The following IKZF1 variants were observed in gnomAD, a reference collection of about 807,000 sequenced individuals.
IKZF1 encodes DNA-binding protein Ikaros.
IKZF1 carries 10 observed loss-of-function variants against 51.7 expected under a neutral mutation model. The observed-to-expected ratio is 0.19, with a 90% CI of 0.12 to 0.33. The LOEUF is 0.33. Ranked by LOEUF, IKZF1 falls within the 10% of genes least tolerant of loss-of-function variation. The pLI is 1.00. For missense variants in IKZF1, 484 were observed against 707.5 expected, an observed-to-expected ratio of 0.68 and a Z score of 3.58; for synonymous variants, 280 against 282.3, an observed-to-expected ratio of 0.99 and a Z score of 0.08.
chr7:50,361,089 A>G (rs536737681), intron 3 of IKZF1, among the ~76,000 whole-genome samples: 1 of 152,300 alleles, frequency 6.6e-6, no homozygotes, highest in Non-Finnish European at 1.5e-5. Context: ...CCCTGCCACG[A>G]TCCCTGACAA....
At position 50,404,533 on chromosome 7, in the gene IKZF1, A is replaced by G. The variant is rs925211073; in HGVS notation, c.*3906A>G. 8.7e-5 allele frequency: 20 copies of G among 229,288 alleles called. No individual in the cohort carries two copies. The highest frequency in any genetic ancestry group is 1.6e-4 in the Non-Finnish European group (19 of 115,596). The allele number at this position is 229,288 out of a possible 1,614,324, so 14.2% of individuals were successfully genotyped here. On this transcript the variant is annotated 3_prime_UTR_variant, in exon 8 of 8. Coordinates refer to ENST00000331340, the MANE Select transcript of IKZF1 (RefSeq NM_006060.6). ...TTTCTCCCAATGAGATCCCAATATG[A>G]GAGGGAGAAGAGATGGGCCTCAGGA... is the stretch of plus-strand genomic sequence containing the variant.
chr7:50,306,401 T>G (rs2153316847), intron 1 of IKZF1, among the ~76,000 whole-genome samples: 1 of 152,328 alleles, frequency 6.6e-6, no homozygotes, highest in South Asian at 2.1e-4. Context: ...CCCTTTTGTT[T>G]CACGGTGAGA....
intron 3 of IKZF1, among the ~76,000 whole-genome samples, chr7:50,375,238 T>A (rs1260216899): frequency 1.3e-5 from 2 of 152,098 alleles, no homozygotes; most frequent in African/African-American, 2.4e-5. Context: ...CTGGTCAACA[T>A]GACAAGACCC....
rs752423552 is a variant in IKZF1, at chr7:50,327,752, T to C, written c.155T>C (p.Val52Ala). The C allele has an allele frequency of 1.9e-6, 3 of 1,610,922 alleles. No individual in the cohort carries two copies. The African/African-American group carries it at 4.0e-5, about 22-fold the overall frequency. ...GGQQSSKSDRVVASNVKVETQ... is the reference protein window; with the variant it reads ...GGQQSSKSDRAVASNVKVETQ... ...CAGCAAAGCTCCAAGAGTGACAGAG[T>C]CGTGGGTAAGTGGGTCACCAGCGGC... Residue 52 changes from valine to alanine, a missense_variant, in exon 3 of 8, where the codon GTC (valine) becomes GCC (alanine). Around this residue, in one of 6 missense-constraint regions of IKZF1, gnomAD observed 118 missense variants for 138.4 expected, o/e 0.85. Coordinates refer to ENST00000331340, the MANE Select transcript of IKZF1 (RefSeq NM_006060.6).
chr7:50,382,770 C>A (rs1812214368), intron 5 of IKZF1, 63 bp downstream of exon 5: 2 of 1,525,178 alleles, frequency 1.3e-6, no homozygotes, highest in Admixed American at 3.8e-5. Flanking sequence ...ACTCTGCCCG[C>A]CTGGGTCCCG....
chr7:50,399,872 T>C (rs1817678075), intron 7 of IKZF1, 46 bp from the exon 8 acceptor site: 1 of 1,568,664 alleles, frequency 6.4e-7, no homozygotes, highest in South Asian at 1.2e-5. Flanking sequence ...ACCTGACCGG[T>C]TCCGGAGGTG....
intron 3 of IKZF1, among the ~76,000 whole-genome samples, chr7:50,363,639 A>G (rs1374986791): frequency 2.0e-5 from 3 of 152,246 alleles, no homozygotes; most frequent in Non-Finnish European, 4.4e-5. Context: ...TGTGCAGTCC[A>G]TAGATGGCAG....
Position 50,371,410 on chromosome 7 carries a change from A to G in IKZF1, c.161-5123A>G, listed in dbSNP as rs190165569. Among the ~76,000 whole-genome samples, 15 of 152,356 alleles carry G rather than the reference A, an allele frequency of 9.8e-5. No homozygotes were observed. The East Asian group carries it at 2.9e-3, about 29-fold the overall frequency. ...CAACTGCATGTGTTCACTGCCATCA[A>G]CAGGCCAACACCCACTTGTTCTTTT... On this transcript the variant is annotated intron_variant, in intron 3 of 7. Coordinates refer to ENST00000331340, the MANE Select transcript of IKZF1 (RefSeq NM_006060.6).
At chr7:50,309,466 C>T (rs780870621) in intron 1 of IKZF1, among the ~76,000 whole-genome samples, 3 of 152,104 alleles carry the variant, frequency 2.0e-5, no homozygotes, top group Non-Finnish European at 4.4e-5. Context: ...CCTTCCCTTC[C>T]TTCCCCTCTT....
At chr7:50,370,024 C>A (rs1808196594) in intron 3 of IKZF1, among the ~76,000 whole-genome samples, 2 of 152,252 alleles carry the variant, frequency 1.3e-5, no homozygotes, top group South Asian at 4.1e-4. Flanking sequence ...ATCTTCTCTT[C>A]ACCTCAAATT....
At chr7:50,329,521 A>G (rs1795947772) in intron 3 of IKZF1, among the ~76,000 whole-genome samples, 1 of 152,256 alleles carries the variant, frequency 6.6e-6, no homozygotes. Context: ...TTCAAAACAC[A>G]TTCATATAAA....
chr7:50,388,736 G>A (rs1250912693), intron 6 of IKZF1, among the ~76,000 whole-genome samples: 1 of 152,192 alleles, frequency 6.6e-6, no homozygotes, highest in African/African-American at 2.4e-5. Context: ...AGACCCCAGG[G>A]CAGAAGACTA....
Position 50,399,956 on chromosome 7 carries a change from G to A in IKZF1, c.889G>A (p.Ala297Thr), listed in dbSNP as rs2153517575. 1 of 1,613,294 alleles carries A rather than the reference G, an allele frequency of 6.2e-7. No individual in the cohort carries two copies. Among genetic ancestry groups the A allele is most frequent in the Non-Finnish European group, 8.5e-7 (1 of 1,179,752 alleles). Residue 297 changes from alanine (A) to threonine (T), a missense_variant, in exon 8 of 8, where the codon GCC becomes ACC. By Grantham distance (58) the Ala-to-Thr change is moderately conservative. This residue lies in a region of IKZF1 where 172 missense variants were observed against 192.7 expected (regional missense o/e 0.89). Coordinates refer to ENST00000331340, the MANE Select transcript of IKZF1 (RefSeq NM_006060.6). ...GLSDTPYDSS[A>T]SYEKENEMMK... ...GTCCGACACGCCCTACGACAGCAGC[G>A]CCAGCTACGAGAAGGAGAACGAAAT...
At chr7:50,363,055 T>C (rs1001336745) in intron 3 of IKZF1, among the ~76,000 whole-genome samples, 2 of 151,964 alleles carry the variant, frequency 1.3e-5, no homozygotes, top group Middle Eastern at 3.2e-3. Flanking sequence ...GAGGCAAGGG[T>C]AGAGGCGAGC....
chr7:50,352,593 G>A (rs1384190009), intron 3 of IKZF1, among the ~76,000 whole-genome samples: 1 of 152,158 alleles, frequency 6.6e-6, no homozygotes, highest in Non-Finnish European at 1.5e-5. Context: ...GGGACGGGAT[G>A]GGATTGGCTG....
intron 3 of IKZF1, chr7:50,369,423 T>A (rs538351605): frequency 2.5e-6 from 1 of 398,256 alleles, no homozygotes; most frequent in South Asian, 1.3e-4. Context: ...ACAGTTTTTA[T>A]AAAAGAGATG....
At chr7:50,381,966 A>G (rs1033856502) in intron 4 of IKZF1, among the ~76,000 whole-genome samples, 2 of 152,210 alleles carry the variant, frequency 1.3e-5, no homozygotes, top group Non-Finnish European at 2.9e-5. Context: ...TTAGGGACAG[A>G]CAGGTAATGG....
chr7:50,370,842 T>TG (rs893667702), intron 3 of IKZF1, among the ~76,000 whole-genome samples: 4 of 152,038 alleles, frequency 2.6e-5, no homozygotes, highest in South Asian at 4.1e-4. Flanking sequence ...AGTAATGGGG[T>TG]GGGGGGTTAC....
chr7:50,397,573 A>C (rs1817042342), intron 7 of IKZF1, among the ~76,000 whole-genome samples: 1 of 152,180 alleles, frequency 6.6e-6, no homozygotes, highest in African/African-American at 2.4e-5. Context: ...ATTTAGCAAA[A>C]TTGGCTACAA....
Sources: gnomAD v4.1 joint callset for allele counts (sites outside exome capture counted in the v4.1 genomes callset) on GRCh38, gnomAD v4.1.1 for gene constraint, gnomAD v4.1.1 regional missense constraint, MANE v1.5 for transcripts, NCBI Gene and HGNC (gene_info 2026-07-23, HGNC 2026-07-21) for gene names.